IFT74: variants seen among roughly 807,000 people sequenced by gnomAD.
IFT74 encodes intraflagellar transport 74, also known as intraflagellar transport protein 74 homolog.
IFT74 carries 92 observed loss-of-function variants against 96.7 expected under a neutral mutation model. The ratio of observed to expected loss-of-function variants is 0.95; its 90% confidence interval spans 0.80 to 1.13. IFT74 has a LOEUF of 1.13. Ranked by LOEUF, IFT74 falls within the 50% of genes most tolerant of loss-of-function variation. The pLI, the probability that IFT74 is intolerant of heterozygous loss-of-function variation, is 0.00. For synonymous variants in IFT74, 223 were observed against 213.2 expected, an observed-to-expected ratio of 1.05 and a Z score of -0.40; for missense variants, 811 against 698.2, an observed-to-expected ratio of 1.16 and a Z score of -1.82.
At chr9:26,998,206 G>T in intron 8 of IFT74, 1 of 1,502,724 alleles carries the variant, frequency 6.7e-7, no homozygotes, top group Non-Finnish European at 8.9e-7. Context: ...CTGGAATCAA[G>T]GTATAATTTT....
intron 6 of IFT74, among the ~76,000 whole-genome samples, chr9:26,988,374 G>C (rs1827724494): frequency 6.6e-6 from 1 of 152,130 alleles, no homozygotes; most frequent in Non-Finnish European, 1.5e-5. Context: ...TATAAGCTCA[G>C]CCATCTTTTC....
At chr9:27,041,285 TCTGGTTACCA>T (rs1819465899) in intron 13 of IFT74, among the ~76,000 whole-genome samples, 1 of 152,162 alleles carries the variant, frequency 6.6e-6, no homozygotes, top group Non-Finnish European at 1.5e-5. Flanking sequence ...TTTTCACGCA[TCTGGTTACCA>T]CAGCACTTCA....
At chr9:26,984,681 C>A in intron 6 of IFT74, 122 bp downstream of exon 6, 1 of 682,852 alleles carries the variant, frequency 1.5e-6, no homozygotes, top group Non-Finnish European at 2.4e-6. Context: ...GACAAACATG[C>A]AGCCAACAAG....
At chr9:26,993,200 A>G (rs1014855639) in intron 8 of IFT74, 6 of 152,200 alleles carry the variant, frequency 3.9e-5, no homozygotes, top group African/African-American at 1.2e-4. Context: ...GCCCTTGAAT[A>G]TAAAAGCTTA....
intron 8 of IFT74, among the ~76,000 whole-genome samples, chr9:27,008,803 G>C (rs1222245832): frequency 6.6e-6 from 1 of 152,050 alleles, no homozygotes; most frequent in Non-Finnish European, 1.5e-5. Flanking sequence ...TTTAGGGATG[G>C]AGAAGAGAAA....
chr9:27,061,210 T>C (rs1820408491), intron 19 of IFT74, among the ~76,000 whole-genome samples: 1 of 151,996 alleles, frequency 6.6e-6, no homozygotes, highest in Non-Finnish European at 1.5e-5. Flanking sequence ...AAAGCAGATT[T>C]TGGGAGTTGC....
upstream of IFT74, chr9:26,955,735 T>C (rs577919004): frequency 4.0e-5 from 6 of 151,568 alleles, no homozygotes; most frequent in East Asian, 2.0e-4. Flanking sequence ...CCAATACATA[T>C]GCAATCACAT....
At chr9:27,027,138 AC>A (rs1198851961) in intron 12 of IFT74, among the ~76,000 whole-genome samples, 1 of 152,170 alleles carries the variant, frequency 6.6e-6, no homozygotes, top group Non-Finnish European at 1.5e-5. Context: ...AATGGGAGAT[AC>A]TACAACCAAT....
chr9:27,048,344 T>G, intron 16 of IFT74, 70 bp downstream of exon 16: 1 of 1,098,586 alleles, frequency 9.1e-7, no homozygotes, highest in Non-Finnish European at 1.3e-6. Context: ...CTGATTATTT[T>G]AAAGCCTCAT....
intron 8 of IFT74, among the ~76,000 whole-genome samples, chr9:26,991,649 TTTG>T (rs1827879439): frequency 6.6e-6 from 1 of 152,168 alleles, no homozygotes; most frequent in African/African-American, 2.4e-5. Flanking sequence ...TCCTTTTTTT[TTTG>T]TTATCCTGGT....
At chr9:26,985,482 GA>G (rs1827592548) in intron 6 of IFT74, among the ~76,000 whole-genome samples, 2 of 151,964 alleles carry the variant, frequency 1.3e-5, no homozygotes, top group South Asian at 4.1e-4. Context: ...AACATTTGAT[GA>G]AAAAATATAT....
At chr9:27,006,919 C>A (rs1828818845) in intron 8 of IFT74, among the ~76,000 whole-genome samples, 1 of 143,136 alleles carries the variant, frequency 7.0e-6, no homozygotes, top group African/African-American at 2.6e-5. Context: ...TCACTGCAAG[C>A]TCTGCCTCCC....
chr9:27,051,479 T>G (rs571284265), intron 16 of IFT74, among the ~76,000 whole-genome samples: 2 of 152,358 alleles, frequency 1.3e-5, no homozygotes, highest in African/African-American at 4.8e-5. Flanking sequence ...AAGTATACAG[T>G]ACAGTAGTGT....
upstream of IFT74, among the ~76,000 whole-genome samples, chr9:26,952,570 C>A (rs539500305): frequency 1.0e-3 from 154 of 152,276 alleles, 2 homozygotes; most frequent in African/African-American, 3.6e-3. Flanking sequence ...AGCCACTGTG[C>A]CTTGCCGAAA....
chr9:26,978,738 G>C (rs988469583), intron 3 of IFT74, among the ~76,000 whole-genome samples: 1 of 152,128 alleles, frequency 6.6e-6, no homozygotes, highest in Non-Finnish European at 1.5e-5. Context: ...TTTATGAGAA[G>C]TGAGTCAAGA....
intron 10 of IFT74, among the ~76,000 whole-genome samples, chr9:27,013,024 C>CT (rs1829180695): frequency 2.0e-5 from 3 of 152,048 alleles, no homozygotes; most frequent in Admixed American, 2.0e-4. Flanking sequence ...GCCAAAATGT[C>CT]TGTTTTGTGT....
At chr9:26,997,493 C>G (rs1426891946) in intron 8 of IFT74, among the ~76,000 whole-genome samples, 1 of 151,974 alleles carries the variant, frequency 6.6e-6, no homozygotes, top group Non-Finnish European at 1.5e-5. Context: ...GCCACCATAC[C>G]CAGCTAATTT....
chr9:27,047,430 A>G, intron 15 of IFT74, 59 bp downstream of exon 15: 1 of 989,794 alleles, frequency 1.0e-6, no homozygotes, highest in East Asian at 2.7e-5. Context: ...TAACTTTCCA[A>G]ATACAACTCA....
chr9:26,998,141 AGAG>A (rs762212479), intron 8 of IFT74: 1 of 1,610,688 alleles, frequency 6.2e-7, no homozygotes, highest in Non-Finnish European at 8.5e-7. Context: ...TGTACCATTA[AGAG>A]TAATTTGGTT....
Sources: allele counts gnomAD v4.1 joint callset (sites outside exome capture counted in the v4.1 genomes callset), GRCh38; gene constraint gnomAD v4.1.1; transcripts MANE v1.5; gene names NCBI Gene and HGNC (gene_info 2026-07-23, HGNC 2026-07-21).